The following PDE1A variants were observed in gnomAD, a reference collection of about 807,000 sequenced individuals.
PDE1A encodes the protein phosphodiesterase 1A, also known as dual specificity calcium/calmodulin-dependent 3',5'-cyclic nucleotide phosphodiesterase 1A.
Under a neutral mutation model 61.7 loss-of-function variants are expected in PDE1A, and 35 were observed. The ratio of observed to expected loss-of-function variants is 0.57; its 90% confidence interval spans 0.43 to 0.75. The LOEUF (loss-of-function observed/expected upper bound fraction) is 0.75. PDE1A is among the 30% of genes least tolerant of loss of function. PDE1A has a pLI of 0.00. For missense variants in PDE1A, 597 were observed against 630.6 expected (o/e 0.95, Z 0.57); for synonymous variants, 232 against 213.2 (o/e 1.09, Z -0.77).
intron 2 of PDE1A, among the ~76,000 whole-genome samples, chr2:182,486,244 T>C (rs1229934373): frequency 6.6e-6 from 1 of 151,956 alleles, no homozygotes; most frequent in Non-Finnish European, 1.5e-5. Flanking sequence ...AATGGGTTAA[T>C]AAAAGAAGTG....
intron 1 of PDE1A, among the ~76,000 whole-genome samples, chr2:182,325,421 T>C (rs531119099): frequency 6.6e-6 from 1 of 152,264 alleles, no homozygotes; most frequent in South Asian, 2.1e-4. Flanking sequence ...AATTATTGGA[T>C]ATGACACCAA....
At chr2:182,295,227 A>G (rs1694804051) in intron 1 of PDE1A, among the ~76,000 whole-genome samples, 1 of 150,366 alleles carries the variant, frequency 6.7e-6, no homozygotes, top group Non-Finnish European at 1.5e-5. Flanking sequence ...GGCGCCCACC[A>G]CCGCGCCCGG....
chr2:182,474,843 T>C (rs1264973866), intron 2 of PDE1A, among the ~76,000 whole-genome samples: 1 of 151,854 alleles, frequency 6.6e-6, no homozygotes, highest in African/African-American at 2.4e-5. Context: ...AAAGACAACA[T>C]AGAATTCCAA....
chr2:182,495,039 G>T (rs953140248), intron 2 of PDE1A, among the ~76,000 whole-genome samples: 1 of 152,094 alleles, frequency 6.6e-6, no homozygotes, highest in African/African-American at 2.4e-5. Flanking sequence ...CTCTGTCGGG[G>T]GTGCTCGGCA....
intron 6 of PDE1A, among the ~76,000 whole-genome samples, chr2:182,226,460 C>G (rs994491722): frequency 4.0e-5 from 6 of 149,830 alleles, no homozygotes; most frequent in Non-Finnish European, 5.9e-5. Flanking sequence ...AGAGGAAACA[C>G]TGAACTTTCA....
chr2:182,584,924 G>C, the PDE1A span, among the ~76,000 whole-genome samples: 1 of 152,162 alleles, frequency 6.6e-6, no homozygotes, highest in Admixed American at 6.5e-5. Flanking sequence ...CTTTGTTTTT[G>C]AGCTGGTTCT....
At chr2:182,534,851 T>C in the PDE1A span, among the ~76,000 whole-genome samples, 1 of 151,958 alleles carries the variant, frequency 6.6e-6, no homozygotes, top group Non-Finnish European at 1.5e-5. Flanking sequence ...TAGAGGTTTT[T>C]CCTAAAGTCA....
At chr2:182,205,443 A>G (rs1322294532) in intron 8 of PDE1A, among the ~76,000 whole-genome samples, 1 of 152,196 alleles carries the variant, frequency 6.6e-6, no homozygotes, top group Non-Finnish European at 1.5e-5. Context: ...TTTTTCAAGC[A>G]AACAGATGCT....
chr2:182,197,277 TTGGA>T (rs1686210855), intron 10 of PDE1A, among the ~76,000 whole-genome samples: 1 of 151,848 alleles, frequency 6.6e-6, no homozygotes, highest in South Asian at 2.1e-4. Flanking sequence ...TATTGATTTG[TTGGA>T]GTTCTATATG....
chr2:182,453,558 G>C (rs558381759), intron 2 of PDE1A, among the ~76,000 whole-genome samples: 125 of 152,126 alleles, frequency 8.2e-4, no homozygotes, highest in Middle Eastern at 3.4e-3. Context: ...ACATCAAAAA[G>C]CTTATCCACC....
intron 2 of PDE1A, among the ~76,000 whole-genome samples, chr2:182,481,243 G>T (rs1443339159): frequency 6.6e-6 from 1 of 151,798 alleles, no homozygotes; most frequent in African/African-American, 2.4e-5. Flanking sequence ...AGGGACAATT[G>T]TAAAAAAGCA....
chr2:182,374,202 A>T (rs1700271040), intron 1 of PDE1A, among the ~76,000 whole-genome samples: 1 of 152,148 alleles, frequency 6.6e-6, no homozygotes. Context: ...TCATGGGTCA[A>T]ATCAAAATAG....
chr2:182,580,187 C>T, the PDE1A span, among the ~76,000 whole-genome samples: 1 of 152,144 alleles, frequency 6.6e-6, no homozygotes. Flanking sequence ...TATTGACGTC[C>T]TAACCCTCAG....
chr2:182,280,294 T>C (rs1229337593), intron 1 of PDE1A, among the ~76,000 whole-genome samples: 1 of 151,950 alleles, frequency 6.6e-6, no homozygotes, highest in Non-Finnish European at 1.5e-5. Context: ...TGGACCTGTA[T>C]CTCTGGCTCA....
chr2:182,528,551 C>G, the PDE1A span, among the ~76,000 whole-genome samples: 1 of 152,202 alleles, frequency 6.6e-6, no homozygotes, highest in Non-Finnish European at 1.5e-5. Flanking sequence ...AGAAGAAACT[C>G]AAGCCGGCTA....
At chr2:182,248,311 G>T (rs932483279) in intron 2 of PDE1A, among the ~76,000 whole-genome samples, 2 of 151,182 alleles carry the variant, frequency 1.3e-5, no homozygotes, top group African/African-American at 4.9e-5. Context: ...AAAAAGAAAC[G>T]ATAAGGAATA....
intron 1 of PDE1A, among the ~76,000 whole-genome samples, chr2:182,325,564 T>A (rs1295924838): frequency 1.3e-5 from 2 of 152,130 alleles, no homozygotes; most frequent in Non-Finnish European, 2.9e-5. Flanking sequence ...GTAAATCACA[T>A]GTTTAATAAG....
intron 2 of PDE1A, among the ~76,000 whole-genome samples, chr2:182,443,700 C>CTTTT (rs1213330952): frequency 7.4e-6 from 1 of 134,284 alleles, no homozygotes; most frequent in African/African-American, 2.8e-5. Context: ...TTCTTTTTTC[C>CTTTT]TTTTTTTTTT....
intron 1 of PDE1A, among the ~76,000 whole-genome samples, chr2:182,294,329 C>G (rs1267967024): frequency 6.6e-6 from 1 of 152,098 alleles, no homozygotes; most frequent in African/African-American, 2.4e-5. Flanking sequence ...ATAACATTGG[C>G]TTACAGAAAG....
Sources: allele counts gnomAD v4.1 joint callset (sites outside exome capture counted in the v4.1 genomes callset), GRCh38; gene constraint gnomAD v4.1.1; transcripts MANE v1.5; gene names NCBI Gene and HGNC (gene_info 2026-07-23, HGNC 2026-07-21).